The following COL15A1 variants were observed in gnomAD, a reference collection of about 807,000 sequenced individuals.
COL15A1 encodes collagen alpha-1(XV) chain.
COL15A1 carries 111 observed loss-of-function variants against 165.9 expected under a neutral mutation model. That is an observed-to-expected ratio of 0.67 (90% confidence interval 0.57 to 0.78). The LOEUF (loss-of-function observed/expected upper bound fraction) is 0.78, where lower values mean the gene tolerates loss of function less well. COL15A1 is among the 30% of genes least tolerant of loss of function. COL15A1 has a pLI of 0.00. For synonymous variants in COL15A1, 659 were observed against 674.8 expected (o/e 0.98, Z 0.36); for missense variants, 1,745 against 1,789.7 (o/e 0.98, Z 0.45).
At chr9:98,953,242 G>A (rs1177873658) in intron 2 of COL15A1, among the ~76,000 whole-genome samples, 2 of 152,186 alleles carry the variant, frequency 1.3e-5, no homozygotes, top group African/African-American at 2.4e-5. Context: ...GAGCTAAGGT[G>A]GTATCAGAGG....
intron 2 of COL15A1, among the ~76,000 whole-genome samples, chr9:98,983,072 G>GT (rs1432887104): frequency 1.7e-4 from 26 of 152,166 alleles, no homozygotes; most frequent in African/African-American, 5.1e-4. Flanking sequence ...ATAAAATTTG[G>GT]TATTTTAACC....
chr9:98,956,997 C>A (rs1334559419), intron 2 of COL15A1, among the ~76,000 whole-genome samples: 2 of 152,228 alleles, frequency 1.3e-5, no homozygotes, highest in East Asian at 3.8e-4. Context: ...TAGGCAGGGT[C>A]ATGGCCCTCT....
intron 16 of COL15A1, 96 bp downstream of exon 16, chr9:99,026,062 G>C: frequency 8.4e-7 from 1 of 1,187,550 alleles, no homozygotes; most frequent in South Asian, 1.6e-5. Context: ...TTATGTGACT[G>C]ACCCCCTGGC....
In COL15A1 at chr9:99,059,930, G is replaced by C. The variant is rs1460999888; in HGVS notation, c.3379G>C (p.Gly1127Arg). ...PGPPGPPGQP[G>R]LPGSRNLVTA... ...TCCCCCTGGCCCTCCAGGACAGCCA[G>C]GGCTTCCCGGATCCAGAAACCTGGT... Residue 1127 changes from glycine (G) to arginine (R), a missense_variant, in exon 36 of 42, where the codon GGG becomes CGG. Gly to Arg is a moderately radical substitution (Grantham distance 125). Coordinates refer to ENST00000375001, the MANE Select transcript of COL15A1 (RefSeq NM_001855.5). 1 of 1,613,856 alleles carries C rather than the reference G, an allele frequency of 6.2e-7. No individual in the cohort carries two copies. The highest frequency in any genetic ancestry group is 8.5e-7 in the Non-Finnish European group (1 of 1,179,942).
chr9:99,070,032 C>A lies in COL15A1; in HGVS notation c.*146C>A, dbSNP rs1400802691. On this transcript the variant is annotated 3_prime_UTR_variant, in exon 42 of 42. Transcript: ENST00000375001. The stretch of plus-strand genomic sequence containing the variant: ...TACAACAGCAACCAAAGAAAACATA[C>A]CTCAATACACTCAAAACTGAAGACA... The A allele has an allele frequency of 3.1e-6, 2 of 643,514 alleles. No homozygotes were observed. Among genetic ancestry groups the A allele is most frequent in the Non-Finnish European group, 5.2e-6 (2 of 385,202 alleles). 39.9% of individuals were successfully genotyped at this position (643,514 alleles called of 1,614,324 possible).
intron 21 of COL15A1, among the ~76,000 whole-genome samples, chr9:99,038,167 G>A (rs1839337334): frequency 6.6e-6 from 1 of 152,184 alleles, no homozygotes; most frequent in Admixed American, 6.5e-5. Flanking sequence ...GGGGAAAAAG[G>A]TAATCTCATG....
chr9:98,983,344 T>C (rs1838260559), intron 2 of COL15A1, among the ~76,000 whole-genome samples: 1 of 152,130 alleles, frequency 6.6e-6, no homozygotes, highest in Non-Finnish European at 1.5e-5. Context: ...ATTGATATAG[T>C]AGGCAGACTA....
chr9:99,051,939 A>G (rs1219169623), intron 30 of COL15A1, among the ~76,000 whole-genome samples: 2 of 152,228 alleles, frequency 1.3e-5, no homozygotes, highest in East Asian at 3.8e-4. Flanking sequence ...CATGATGCTC[A>G]TCTTTGATTA....
chr9:99,051,629 T>C (rs1365660198), intron 30 of COL15A1, among the ~76,000 whole-genome samples: 1 of 152,202 alleles, frequency 6.6e-6, no homozygotes. Context: ...ATGTTTTTCC[T>C]GGTAGATTTC....
At chr9:99,067,121 C>A in intron 40 of COL15A1, 54 bp downstream of exon 40, 1 of 1,466,660 alleles carries the variant, frequency 6.8e-7, no homozygotes, top group Non-Finnish European at 9.3e-7. Context: ...CGCTACAGGG[C>A]CTGGAGGCAG....
intron 39 of COL15A1, among the ~76,000 whole-genome samples, 189 bp downstream of exon 39, chr9:99,063,298 G>T (rs1338918594): frequency 1.3e-5 from 2 of 152,182 alleles, no homozygotes; most frequent in Non-Finnish European, 2.9e-5. Flanking sequence ...GGTGCTGGGG[G>T]TATAAGGGAG....
At chr9:98,954,068 C>T (rs1207230133) in intron 2 of COL15A1, among the ~76,000 whole-genome samples, 1 of 152,136 alleles carries the variant, frequency 6.6e-6, no homozygotes, top group Non-Finnish European at 1.5e-5. Flanking sequence ...AGACAGTGCG[C>T]AGAAGCTGGC....
rs1201902377 is a variant in COL15A1, at chr9:99,025,891, T to C, written c.1981-13T>C. On this transcript the variant is annotated splice_polypyrimidine_tract_variant and intron_variant, in intron 15 of 41. Transcript: ENST00000375001. ...AGAAATGTTGTGGGTTGATTGTCACTGATGTTCCCCAGGGCCCTGAGGGAC... is the reference window on the plus strand; with the variant it reads ...AGAAATGTTGTGGGTTGATTGTCACCGATGTTCCCCAGGGCCCTGAGGGAC... The C allele has an allele frequency of 1.2e-6, 2 of 1,611,926 alleles. No homozygotes were observed. Among genetic ancestry groups the C allele is most frequent in the African/African-American group, 2.7e-5 (2 of 75,006 alleles).
chr9:99,003,465 A>C lies in COL15A1; in HGVS notation c.1078A>C (p.Thr360Pro), dbSNP rs752685061. ...DIAEEKNLAATAAGLAEVPIS... is the reference protein window; with the variant it reads ...DIAEEKNLAAPAAGLAEVPIS... The stretch of plus-strand genomic sequence containing the variant: ...CCTTTGTTTTCAGAATTTAGCAGCA[A>C]CAGCAGCGGGGCTGGCCGAGGTGCC... The change falls in exon 8 of 42, where the codon ACA (threonine) becomes CCA (proline). Residue 360 changes from threonine (T) to proline (P), a missense_variant. Thr to Pro is a conservative substitution (Grantham distance 38). Coordinates refer to ENST00000375001, the MANE Select transcript of COL15A1 (RefSeq NM_001855.5). 15 of 1,513,812 alleles carry C rather than the reference A, an allele frequency of 9.9e-6. No individual in the cohort carries two copies. The African/African-American group carries it at 1.7e-4, about 17-fold the overall frequency. 93.8% of individuals were successfully genotyped at this position (1,513,812 alleles called of 1,614,324 possible).
intron 31 of COL15A1, among the ~76,000 whole-genome samples, chr9:99,053,865 C>T (rs1825667051): frequency 6.6e-6 from 1 of 152,214 alleles, no homozygotes; most frequent in South Asian, 2.1e-4. Context: ...ATCTGTCACA[C>T]CTCTTGGGAA....
chr9:99,009,575 T>C (rs1838816341), intron 9 of COL15A1, among the ~76,000 whole-genome samples: 1 of 152,206 alleles, frequency 6.6e-6, no homozygotes, highest in African/African-American at 2.4e-5. Context: ...GAATTTGACT[T>C]TGGAAATTTT....
chr9:99,064,577 G>A (rs377655924), intron 39 of COL15A1, among the ~76,000 whole-genome samples: 9 of 152,294 alleles, frequency 5.9e-5, no homozygotes, highest in African/African-American at 2.2e-4. Flanking sequence ...GAAGGGATTA[G>A]ACTATGAGGA....
chr9:99,068,793 A>AGTTGCCTC, intron 41 of COL15A1, 123 bp downstream of exon 41: 1 of 607,976 alleles, frequency 1.6e-6, no homozygotes, highest in Non-Finnish European at 2.8e-6. Context: ...ACAGTGAGGC[A>AGTTGCCTC]ACTGAGGGCC....
At chr9:98,996,833 G>C (rs935584963) in intron 5 of COL15A1, 101 bp from the exon 6 acceptor site, 1 of 1,529,366 alleles carries the variant, frequency 6.5e-7, no homozygotes, top group Admixed American at 1.8e-5. Flanking sequence ...GGTTTATTCA[G>C]CATCTTGTGG....
Sources: allele counts gnomAD v4.1 joint callset (sites outside exome capture counted in the v4.1 genomes callset), GRCh38; gene constraint gnomAD v4.1.1; transcripts MANE v1.5; gene names NCBI Gene and HGNC (gene_info 2026-07-23, HGNC 2026-07-21).